Variants in OSBPL9 observed in about 807,000 individuals in gnomAD.
OSBPL9 encodes oxysterol binding protein like 9.
A neutral mutation model predicts 106.6 loss-of-function variants in OSBPL9; 40 were observed. The observed-to-expected ratio is 0.38, with a 90% CI of 0.29 to 0.49. The LOEUF is 0.49. Among genes scored for constraint, OSBPL9 ranks in the 20% least tolerant of loss-of-function variants. OSBPL9 has a pLI of 0.97. For missense variants in OSBPL9, 609 were observed against 887.2 expected, an observed-to-expected ratio of 0.69 and a Z score of 3.98; for synonymous variants, 269 against 295.4, an observed-to-expected ratio of 0.91 and a Z score of 0.92.
chr1:51,723,478 GCTCATTTCTTTCCCTCC>G (rs1662519853), intron 4 of OSBPL9, among the ~76,000 whole-genome samples: 1 of 151,996 alleles, frequency 6.6e-6, no homozygotes, highest in Non-Finnish European at 1.5e-5. Context: ...TGGCTTGATA[GCTCATTTCTTTCCCTCC>G]CTCTTTTCTT....
rs565395343 is a variant in OSBPL9 at position 51,586,542 on chromosome 1, C to T, written c.-423+9286C>T. ...TGTTACATATGCATAAAGTATTGCTCACATTTCTGATTATTTCTTGAGAGG... is the reference window on the plus strand; with the variant it reads ...TGTTACATATGCATAAAGTATTGCTTACATTTCTGATTATTTCTTGAGAGG... On this transcript the variant is annotated intron_variant, in intron 1 of 25. Transcript: ENST00000371714. 1.2e-3 allele frequency among the ~76,000 whole-genome samples: 184 copies of T among 152,246 alleles called. 1 individual carries two copies. The highest frequency in any genetic ancestry group is 2.1e-3 in the Non-Finnish European group (142 of 68,036).
chr1:51,723,455 C>A (rs956356539), intron 4 of OSBPL9, among the ~76,000 whole-genome samples: 3 of 152,114 alleles, frequency 2.0e-5, no homozygotes, highest in African/African-American at 4.8e-5. Flanking sequence ...TAAGTTTCAT[C>A]CTCATCTTTT....
At chr1:51,737,939 G>A (rs996554632) in intron 4 of OSBPL9, among the ~76,000 whole-genome samples, 1 of 152,006 alleles carries the variant, frequency 6.6e-6, no homozygotes, top group African/African-American at 2.4e-5. Context: ...GAGTGAAGGA[G>A]GCTGCTAATA....
chr1:51,654,996 A>G (rs983865160), intron 2 of OSBPL9, among the ~76,000 whole-genome samples: 1 of 152,148 alleles, frequency 6.6e-6, no homozygotes, highest in Non-Finnish European at 1.5e-5. Context: ...ATGGATGGTG[A>G]TGATGGTGAT....
At chr1:51,755,903 C>T (rs1670233049) in intron 8 of OSBPL9, among the ~76,000 whole-genome samples, 2 of 152,194 alleles carry the variant, frequency 1.3e-5, no homozygotes, top group African/African-American at 2.4e-5. Flanking sequence ...TACTTTCTCT[C>T]TCTAGATTTG....
At chr1:51,747,869 A>G (rs1668359392) in intron 6 of OSBPL9, among the ~76,000 whole-genome samples, 1 of 152,112 alleles carries the variant, frequency 6.6e-6, no homozygotes. Flanking sequence ...GGCTCACTGC[A>G]AGCTCTGCCT....
chr1:51,750,074 A>G, intron 7 of OSBPL9, 71 bp from the exon 8 acceptor site: 2 of 1,120,716 alleles, frequency 1.8e-6, no homozygotes, highest in South Asian at 2.9e-5. Context: ...TGATTTTTAT[A>G]TTTTAAGCTT....
chr1:51,740,316 A>G (rs1666625947), intron 4 of OSBPL9: 1 of 1,276,202 alleles, frequency 7.8e-7, no homozygotes, highest in Non-Finnish European at 1.0e-6. Flanking sequence ...TAAACTTTCC[A>G]ATATTCTCAT....
At chr1:51,529,507 T>G in the OSBPL9 span, among the ~76,000 whole-genome samples, 2 of 152,046 alleles carry the variant, frequency 1.3e-5, no homozygotes, top group Non-Finnish European at 2.9e-5. Context: ...CCTCCCGAAG[T>G]GCTGGGATTA....
At chr1:51,657,649 G>A (rs1646896252) in intron 2 of OSBPL9, among the ~76,000 whole-genome samples, 1 of 152,198 alleles carries the variant, frequency 6.6e-6, no homozygotes, top group African/African-American at 2.4e-5. Context: ...CTTTGTGTTG[G>A]TTATGAAGTG....
At chr1:51,567,491 A>C in the OSBPL9 span, 2 of 152,048 alleles carry the variant, frequency 1.3e-5, no homozygotes, top group African/African-American at 4.8e-5. Flanking sequence ...TCCCTCCCCC[A>C]TCCTCTCCCA....
intron 1 of OSBPL9, chr1:51,583,848 ACACACACACACACAAG>A (rs1645234100): frequency 6.6e-6 from 1 of 151,352 alleles, no homozygotes; most frequent in African/African-American, 2.4e-5. Flanking sequence ...ATTAACATTC[ACACACACACACACAAG>A]CACACACACC....
At chr1:51,739,387 T>G (rs1297523810) in intron 4 of OSBPL9, among the ~76,000 whole-genome samples, 1 of 151,926 alleles carries the variant, frequency 6.6e-6, no homozygotes, top group Admixed American at 6.6e-5. Flanking sequence ...TGAAAAAAAT[T>G]TAATATACAT....
At chr1:51,697,305 A>T (rs77809577) in intron 3 of OSBPL9, among the ~76,000 whole-genome samples, 1 of 152,070 alleles carries the variant, frequency 6.6e-6, no homozygotes, top group Non-Finnish European at 1.5e-5. Context: ...TTGCTCATAT[A>T]CCAAACATAG....
intron 1 of OSBPL9, among the ~76,000 whole-genome samples, chr1:51,596,126 C>T (rs541164370): frequency 6.4e-4 from 97 of 151,560 alleles, no homozygotes; most frequent in Non-Finnish European, 1.1e-3. Flanking sequence ...GGCATGGTGG[C>T]GGGCGACTAT....
chr1:51,726,322 A>G (rs1557746116), intron 4 of OSBPL9, among the ~76,000 whole-genome samples: 13 of 152,212 alleles, frequency 8.5e-5, no homozygotes, highest in Non-Finnish European at 1.5e-5. Context: ...AGTGTTTTAC[A>G]TGTTGTTAGA....
intron 3 of OSBPL9, among the ~76,000 whole-genome samples, chr1:51,673,916 A>C (rs1460564612): frequency 6.6e-6 from 1 of 151,574 alleles, no homozygotes; most frequent in African/African-American, 2.4e-5. Context: ...ATCTGTAGGA[A>C]CTGGTAATTG....
At chr1:51,584,969 C>T (rs1570530830) in intron 1 of OSBPL9, among the ~76,000 whole-genome samples, 1 of 152,048 alleles carries the variant, frequency 6.6e-6, no homozygotes, top group Admixed American at 6.6e-5. Flanking sequence ...TTCTGCCATT[C>T]GAAGAATCTA....
intron 3 of OSBPL9, among the ~76,000 whole-genome samples, chr1:51,676,440 G>A (rs772681451): frequency 2.0e-4 from 30 of 151,362 alleles, no homozygotes; most frequent in Admixed American, 4.0e-4. Flanking sequence ...AAAAAAAAAC[G>A]GAATTAATAT....
Sources: gnomAD v4.1 joint callset for allele counts (sites outside exome capture counted in the v4.1 genomes callset) on GRCh38, gnomAD v4.1.1 for gene constraint, MANE v1.5 for transcripts, NCBI Gene and HGNC (gene_info 2026-07-23, HGNC 2026-07-21) for gene names.